Variants in LRFN5 observed in about 807,000 individuals in gnomAD.
LRFN5 encodes the protein leucine-rich repeat and fibronectin type-III domain-containing protein 5.
LRFN5 carries 24 observed loss-of-function variants against 45.6 expected under a neutral mutation model. The observed-to-expected ratio is 0.53, with a 90% CI of 0.38 to 0.74. The LOEUF (loss-of-function observed/expected upper bound fraction) is 0.74, where lower values mean the gene tolerates loss of function less well. Among genes scored for constraint, LRFN5 ranks in the 30% least tolerant of loss-of-function variants. The probability of loss-of-function intolerance (pLI) is 0.00; values close to 1 mark genes in which losing one functional copy is unlikely to be tolerated. For missense variants in LRFN5, 776 were observed against 861.5 expected (o/e 0.90, Z 1.24); for synonymous variants, 340 against 313.8 (o/e 1.08, Z -0.88).
chr14:41,718,504 T>C (rs1594642587), intron 1 of LRFN5, among the ~76,000 whole-genome samples: 1 of 152,338 alleles, frequency 6.6e-6, no homozygotes, highest in East Asian at 1.9e-4. Context: ...GCCTATATTT[T>C]ACATGTACTT....
chr14:41,838,397 A>G (rs1888739170), intron 2 of LRFN5, among the ~76,000 whole-genome samples: 1 of 152,150 alleles, frequency 6.6e-6, no homozygotes, highest in Non-Finnish European at 1.5e-5. Flanking sequence ...CCTGGAAGAG[A>G]GGTTCTATGC....
intron 1 of LRFN5, among the ~76,000 whole-genome samples, chr14:41,671,604 ATTTTTTTTTTTCGTTT>A (rs1881218828): frequency 1.1e-5 from 1 of 91,078 alleles, no homozygotes; most frequent in African/African-American, 4.6e-5. Flanking sequence ...TGGAGGAGAG[ATTTTTTTTTTTCGTTT>A]TTTTTTTTTT....
At chr14:41,754,220 AT>A (rs2138851225) in intron 1 of LRFN5, among the ~76,000 whole-genome samples, 1 of 152,138 alleles carries the variant, frequency 6.6e-6, no homozygotes, top group South Asian at 2.1e-4. Context: ...TTGGTCTAAA[AT>A]TCTCTTTTTT....
chr14:41,824,451 C>T (rs894136158), intron 2 of LRFN5, among the ~76,000 whole-genome samples: 28 of 152,058 alleles, frequency 1.8e-4, no homozygotes, highest in African/African-American at 6.3e-4. Context: ...GTATAGTGAC[C>T]TTCTCAAATC....
intron 2 of LRFN5, among the ~76,000 whole-genome samples, chr14:41,874,076 G>A (rs1890110697): frequency 6.6e-6 from 1 of 152,000 alleles, no homozygotes; most frequent in South Asian, 2.1e-4. Context: ...ATAAATCAAC[G>A]TGAATTCCAG....
At chr14:41,714,336 A>G (rs1029125688) in intron 1 of LRFN5, among the ~76,000 whole-genome samples, 5 of 152,164 alleles carry the variant, frequency 3.3e-5, no homozygotes, top group Non-Finnish European at 5.9e-5. Flanking sequence ...AAATCATGAG[A>G]TTTGCTTAGA....
chr14:41,812,050 T>G (rs1179259053), intron 2 of LRFN5, among the ~76,000 whole-genome samples: 1 of 152,092 alleles, frequency 6.6e-6, no homozygotes, highest in Non-Finnish European at 1.5e-5. Flanking sequence ...GCGTGAAAAG[T>G]TATTCTGGTG....
intron 2 of LRFN5, among the ~76,000 whole-genome samples, chr14:41,856,235 A>C (rs1046480774): frequency 6.6e-6 from 1 of 152,246 alleles, no homozygotes; most frequent in Non-Finnish European, 1.5e-5. Context: ...AACAAAGGGA[A>C]TCATCTTCTA....
chr14:41,660,036 T>G (rs1880572244), intron 1 of LRFN5, among the ~76,000 whole-genome samples: 2 of 151,988 alleles, frequency 1.3e-5, no homozygotes, highest in South Asian at 4.1e-4. Flanking sequence ...TATTTATTTA[T>G]TTTTTATGAA....
At chr14:41,757,396 G>A (rs1885449058) in intron 1 of LRFN5, among the ~76,000 whole-genome samples, 1 of 152,168 alleles carries the variant, frequency 6.6e-6, no homozygotes, top group Non-Finnish European at 1.5e-5. Flanking sequence ...GAACTGTGGT[G>A]GGCTTCACCC....
At chr14:41,895,851 C>A (rs1890922376) in intron 4 of LRFN5, among the ~76,000 whole-genome samples, 1 of 151,838 alleles carries the variant, frequency 6.6e-6, no homozygotes, top group African/African-American at 2.4e-5. Context: ...TCTAAGAAAT[C>A]TCTAAACATA....
At chr14:41,707,301 G>C (rs980151281) in intron 1 of LRFN5, among the ~76,000 whole-genome samples, 2 of 151,926 alleles carry the variant, frequency 1.3e-5, no homozygotes, top group Non-Finnish European at 2.9e-5. Flanking sequence ...TTAAATTTTG[G>C]GTACTACCTG....
chr14:41,804,114 G>A (rs1594423966), intron 2 of LRFN5, among the ~76,000 whole-genome samples: 1 of 152,068 alleles, frequency 6.6e-6, no homozygotes, highest in African/African-American at 2.4e-5. Context: ...TCCGCCCAAA[G>A]CCTCTGAAAG....
At chr14:41,775,938 C>T (rs909763991) in intron 2 of LRFN5, among the ~76,000 whole-genome samples, 35 of 152,282 alleles carry the variant, frequency 2.3e-4, no homozygotes, top group African/African-American at 3.4e-4. Context: ...CTAAATGTAA[C>T]AGCTATACTG....
intron 1 of LRFN5, among the ~76,000 whole-genome samples, chr14:41,650,343 A>G (rs1469915445): frequency 6.6e-6 from 1 of 152,130 alleles, no homozygotes; most frequent in Non-Finnish European, 1.5e-5. Flanking sequence ...TAAATTGCCA[A>G]TATTAAAAAG....
chr14:41,657,781 T>C (rs1880449086), intron 1 of LRFN5, among the ~76,000 whole-genome samples: 1 of 151,982 alleles, frequency 6.6e-6, no homozygotes, highest in South Asian at 2.1e-4. Context: ...ATTCATCTCC[T>C]TTGTCAAGGG....
At chr14:41,891,172 GAACTA>G (rs1890766458) in intron 3 of LRFN5, 73 bp from the exon 4 acceptor site, 2 of 1,103,376 alleles carry the variant, frequency 1.8e-6, no homozygotes, top group South Asian at 1.3e-5. Context: ...AAATGACACT[GAACTA>G]AAGTCATAAT....
chr14:41,649,887 C>T (rs969435281), intron 1 of LRFN5, among the ~76,000 whole-genome samples: 4 of 152,134 alleles, frequency 2.6e-5, no homozygotes, highest in Non-Finnish European at 5.9e-5. Context: ...TTCAGTAGTT[C>T]CTCTAGCCAT....
chr14:41,857,607 A>G (rs1255246483), intron 2 of LRFN5, among the ~76,000 whole-genome samples: 1 of 152,196 alleles, frequency 6.6e-6, no homozygotes, highest in Non-Finnish European at 1.5e-5. Context: ...TAAGTCCCAC[A>G]TACTAAACAC....
Sources: gnomAD v4.1 joint callset for allele counts (sites outside exome capture counted in the v4.1 genomes callset) on GRCh38, gnomAD v4.1.1 for gene constraint, MANE v1.5 for transcripts, NCBI Gene and HGNC (gene_info 2026-07-23, HGNC 2026-07-21) for gene names.